The following TANGO6 variants were observed in gnomAD, a reference collection of about 807,000 sequenced individuals.
TANGO6 encodes transport and golgi organization 6 homolog, also known as transport and Golgi organization protein 6 homolog.
In TANGO6, 90 loss-of-function variants were observed where a neutral mutation model predicts 114.2. The observed-to-expected ratio is 0.79, with a 90% CI of 0.66 to 0.94. TANGO6 has a LOEUF of 0.94. TANGO6 is among the 40% of genes least tolerant of loss of function. The pLI, the probability that TANGO6 is intolerant of heterozygous loss-of-function variation, is 0.00. For missense variants in TANGO6, 1,274 were observed against 1,315.3 expected, an observed-to-expected ratio of 0.97 and a Z score of 0.49; for synonymous variants, 477 against 509.8, an observed-to-expected ratio of 0.94 and a Z score of 0.87.
intron 4 of TANGO6, among the ~76,000 whole-genome samples, chr16:68,870,213 A>G (rs533238516): frequency 1.3e-5 from 2 of 152,116 alleles, no homozygotes; most frequent in Non-Finnish European, 2.9e-5. Flanking sequence ...GGTTTGAGAG[A>G]TATTTAAGGA....
chr16:69,039,929 A>G (rs1042703641), intron 16 of TANGO6, among the ~76,000 whole-genome samples: 3 of 152,202 alleles, frequency 2.0e-5, no homozygotes, highest in African/African-American at 7.2e-5. Context: ...AGAAGCAGCT[A>G]TGGTTGGGAC....
intron 15 of TANGO6, among the ~76,000 whole-genome samples, chr16:68,987,121 C>G (rs1963900437): frequency 6.7e-6 from 1 of 149,854 alleles, no homozygotes; most frequent in Non-Finnish European, 1.5e-5. Flanking sequence ...ATCATTTATT[C>G]AACCATTTTT....
At chr16:68,850,077 G>C (rs1043522966) in intron 1 of TANGO6, among the ~76,000 whole-genome samples, 3 of 149,988 alleles carry the variant, frequency 2.0e-5, no homozygotes, top group African/African-American at 7.4e-5. Flanking sequence ...AGGTTCAAGC[G>C]ATTATCCTGC....
At chr16:69,022,350 C>T (rs1959422551) in intron 15 of TANGO6, among the ~76,000 whole-genome samples, 1 of 152,016 alleles carries the variant, frequency 6.6e-6, no homozygotes, top group African/African-American at 2.4e-5. Flanking sequence ...GAATATTTTT[C>T]ATAACATGAA....
intron 14 of TANGO6, among the ~76,000 whole-genome samples, chr16:68,972,400 G>A (rs377357538): frequency 3.9e-5 from 6 of 152,238 alleles, no homozygotes; most frequent in African/African-American, 1.2e-4. Flanking sequence ...AAAACTGCAC[G>A]TAGACTTTGC....
At chr16:69,063,659 AAAAAAAAAAAAC>A (rs1960164510) in intron 17 of TANGO6, among the ~76,000 whole-genome samples, 1 of 145,496 alleles carries the variant, frequency 6.9e-6, no homozygotes, top group South Asian at 2.1e-4. Flanking sequence ...AAAAAAAAAA[AAAAAAAAAAAAC>A]AAAGTTCTTT....
At chr16:68,905,521 C>T (rs1403029752) in intron 9 of TANGO6, among the ~76,000 whole-genome samples, 10 of 145,014 alleles carry the variant, frequency 6.9e-5, no homozygotes, top group Admixed American at 1.4e-4. Context: ...AGGTGACGAG[C>T]GAAACTCTGT....
At chr16:68,925,286 A>G (rs1276153613) in intron 12 of TANGO6, among the ~76,000 whole-genome samples, 1 of 152,086 alleles carries the variant, frequency 6.6e-6, no homozygotes, top group African/African-American at 2.4e-5. Flanking sequence ...CTCCAGCCTG[A>G]GCAATAGAGC....
rs1427465447 is a variant in TANGO6, at chr16:68,860,154, A to G, written c.365A>G (p.Asn122Ser). The G allele has an allele frequency of 3.1e-6, 5 of 1,613,542 alleles. No homozygotes were observed. The highest frequency in any genetic ancestry group is 3.4e-6 in the Non-Finnish European group (4 of 1,179,820). ...LAANFNPGKP[N>S]PRTPEVAPAL... ...GCTAATTTCAATCCAGGTAAACCCA[A>G]CCCTAGGACTCCGGAAGTTGCTCCT... The change falls in exon 2 of 18, where the codon AAC becomes AGC. Residue 122 changes from asparagine (N) to serine (S), a missense_variant. This residue lies in a region of TANGO6 where 908 missense variants were observed against 910.2 expected (regional missense o/e 1.00). Transcript: ENST00000261778.
chr16:68,894,261 G>A (rs141245470), intron 7 of TANGO6, among the ~76,000 whole-genome samples: 4 of 152,208 alleles, frequency 2.6e-5, no homozygotes, highest in Non-Finnish European at 5.9e-5. Flanking sequence ...TAAGAGGGAA[G>A]TGACCAGATT....
intron 14 of TANGO6, among the ~76,000 whole-genome samples, chr16:68,943,766 G>A (rs1374103468): frequency 6.6e-6 from 1 of 151,954 alleles, no homozygotes; most frequent in East Asian, 1.9e-4. Flanking sequence ...ATGGAAAGGG[G>A]GTCTTTTATA....
At chr16:69,031,877 G>T (rs1959599222) in intron 16 of TANGO6, among the ~76,000 whole-genome samples, 1 of 151,896 alleles carries the variant, frequency 6.6e-6, no homozygotes, top group Non-Finnish European at 1.5e-5. Flanking sequence ...TGCCTAGGCT[G>T]GTCTCAAACT....
At chr16:69,013,097 C>G (rs2152224785) in intron 15 of TANGO6, among the ~76,000 whole-genome samples, 1 of 151,530 alleles carries the variant, frequency 6.6e-6, no homozygotes, top group Admixed American at 6.6e-5. Flanking sequence ...TTGCAAGCTA[C>G]TACTGTAAGT....
At chr16:68,953,720 C>T (rs574256219) in intron 14 of TANGO6, among the ~76,000 whole-genome samples, 40 of 152,228 alleles carry the variant, frequency 2.6e-4, no homozygotes, top group African/African-American at 9.4e-4. Context: ...CTGACTCTAC[C>T]TGGAGGTATC....
chr16:68,890,604 C>T (rs1235703307), intron 7 of TANGO6, among the ~76,000 whole-genome samples: 5 of 152,202 alleles, frequency 3.3e-5, no homozygotes, highest in Non-Finnish European at 5.9e-5. Flanking sequence ...GGCATGTGGC[C>T]GGGTGTGGTG....
At chr16:69,007,746 A>G (rs75656653) in intron 15 of TANGO6, among the ~76,000 whole-genome samples, 1 of 152,008 alleles carries the variant, frequency 6.6e-6, no homozygotes, top group East Asian at 1.9e-4. Context: ...ACTGTTTTCC[A>G]AAGTTTTCCA....
chr16:69,041,933 T>C (rs1713507768), intron 17 of TANGO6, among the ~76,000 whole-genome samples: 1 of 152,182 alleles, frequency 6.6e-6, no homozygotes, highest in Non-Finnish European at 1.5e-5. Context: ...AGATAGCTGC[T>C]GCAGCTCTGG....
chr16:68,900,345 G>A (rs1567535106), intron 7 of TANGO6, 89 bp from the exon 8 acceptor site: 24 of 990,606 alleles, frequency 2.4e-5, no homozygotes, highest in South Asian at 7.0e-5. Context: ...TGCTTAAGAC[G>A]CTGAGCCCTG....
chr16:68,919,849 C>T (rs2152191212), intron 12 of TANGO6, among the ~76,000 whole-genome samples: 1 of 152,162 alleles, frequency 6.6e-6, no homozygotes, highest in East Asian at 1.9e-4. Flanking sequence ...TGAGACCAGC[C>T]TGGTCAACAT....
Sources: allele counts gnomAD v4.1 joint callset (sites outside exome capture counted in the v4.1 genomes callset), GRCh38; gene constraint gnomAD v4.1.1; regional missense constraint gnomAD v4.1.1; transcripts MANE v1.5; gene names NCBI Gene and HGNC (gene_info 2026-07-23, HGNC 2026-07-21).